BEAN1: variants seen among roughly 807,000 people sequenced by gnomAD.
The protein encoded by BEAN1 is brain expressed associated with NEDD4 1.
In BEAN1, 17 loss-of-function variants were observed where a neutral mutation model predicts 17.7. The observed-to-expected ratio is 0.96, with a 90% CI of 0.66 to 1.44. The LOEUF (loss-of-function observed/expected upper bound fraction) is 1.44, where lower values mean the gene tolerates loss of function less well. BEAN1 is among the 40% of genes most tolerant of loss of function. BEAN1 has a pLI of 0.00. For missense variants in BEAN1, 359 were observed against 374.1 expected (o/e 0.96, Z 0.33); for synonymous variants, 142 against 151.8 (o/e 0.94, Z 0.47).
intron 2 of BEAN1, among the ~76,000 whole-genome samples, chr16:66,457,570 A>C (rs1962920248): frequency 6.6e-6 from 1 of 152,146 alleles, no homozygotes; most frequent in East Asian, 1.9e-4. Context: ...AGCTGCCATC[A>C]AGGTGACATC....
chr16:66,469,536 G>C, intron 2 of BEAN1, 66 bp from the exon 3 acceptor site: 2 of 1,448,526 alleles, frequency 1.4e-6, no homozygotes, highest in South Asian at 1.3e-5. Context: ...AGGGCAGCAC[G>C]GGCAGAGAAG....
chr16:66,440,008 G>A (rs912212355), intron 2 of BEAN1, among the ~76,000 whole-genome samples: 10 of 152,070 alleles, frequency 6.6e-5, no homozygotes, highest in African/African-American at 1.9e-4. Context: ...ATCAGCTTCA[G>A]TCTGGGTCCA....
intron 3 of BEAN1, among the ~76,000 whole-genome samples, chr16:66,470,952 C>G (rs939737714): frequency 6.6e-6 from 1 of 152,312 alleles, no homozygotes; most frequent in East Asian, 1.9e-4. Flanking sequence ...AAAAGCAGGA[C>G]CTTGGAGGTG....
chr16:66,477,998 G>C, intron 4 of BEAN1: 1 of 281,690 alleles, frequency 3.5e-6, no homozygotes, highest in Non-Finnish European at 6.6e-6. Context: ...TTCAGGGGAG[G>C]TTCCGTGGCA....
intron 3 of BEAN1, chr16:66,470,069 G>C: frequency 1.4e-6 from 1 of 696,572 alleles, no homozygotes; most frequent in Non-Finnish European, 2.3e-6. Flanking sequence ...ACTGCTAAGA[G>C]AGAAACTCAG....
intron 2 of BEAN1, among the ~76,000 whole-genome samples, chr16:66,438,251 G>T (rs1466615071): frequency 6.6e-6 from 1 of 152,102 alleles, no homozygotes; most frequent in Non-Finnish European, 1.5e-5. Flanking sequence ...GGGCATGGTG[G>T]TGGGCGCCTG....
chr16:66,449,451 T>C (rs1188952180), intron 2 of BEAN1, among the ~76,000 whole-genome samples: 2 of 151,500 alleles, frequency 1.3e-5, no homozygotes, highest in Non-Finnish European at 2.9e-5. Flanking sequence ...CTACTAAATA[T>C]ACAAAATTAG....
At chr16:66,484,116 G>T, downstream of BEAN1, 1 of 177,742 alleles carries the variant, frequency 5.6e-6, no homozygotes, top group Admixed American at 5.5e-5. This position sits in a 1 kb window ranked among gnomAD's most constrained non-coding sequence, Gnocchi z 4.2. Context: ...GCTCACCCCC[G>T]CCCCGCCAGC....
chr16:66,489,164 C>T (rs1332911016), intron 4 of BEAN1, among the ~76,000 whole-genome samples: 4 of 146,762 alleles, frequency 2.7e-5, no homozygotes, highest in Non-Finnish European at 4.4e-5. Context: ...AAGAGCGAAA[C>T]TCCATCTCAA....
intron 1 of BEAN1, among the ~76,000 whole-genome samples, chr16:66,436,170 A>ATC (rs1962007003): frequency 1.3e-5 from 2 of 151,780 alleles, no homozygotes; most frequent in African/African-American, 4.8e-5. Flanking sequence ...TAAAAACCTT[A>ATC]TCTCTCTCCT....
chr16:66,467,555 C>T lies in BEAN1; in HGVS notation c.26-2047C>T, dbSNP rs917548456. On this transcript the variant is annotated intron_variant, in intron 2 of 4. Transcript: ENST00000536005. The stretch of plus-strand genomic sequence containing the variant: ...CCTCCACCTGGTCCTGCCCTTAACA[C>T]GTGGGGATTATAGGGATTACAATTA... Among the ~76,000 whole-genome samples, 4 of 152,268 alleles carry T rather than the reference C, an allele frequency of 2.6e-5. No homozygotes were observed. In the East Asian group the frequency reaches 5.8e-4, roughly 22 times the overall value.
rs774157802 is a variant in BEAN1, at chr16:66,477,563, C to A, written c.293C>A (p.Ser98Ter). The A allele has an allele frequency of 6.5e-7, 1 of 1,541,300 alleles. No homozygotes were observed. The highest frequency in any genetic ancestry group is 2.0e-5 in the Admixed American group (1 of 50,350). ...GCCGGTGGTCTGTTCCCTGCAGTGT[C>A]GGACGAGCACACATACAGCCGCTCA... ...RHREYEHGYV[S>*]DEHTYSRSSR... Residue 98 changes from serine (S) to a stop codon, truncating the protein, a stop_gained, in exon 4 of 5, where the codon TCG becomes TAG. Transcript: ENST00000536005. LOFTEE classifies it high-confidence loss of function.
chr16:66,468,159 G>A (rs750964009), intron 2 of BEAN1, among the ~76,000 whole-genome samples: 1 of 152,180 alleles, frequency 6.6e-6, no homozygotes, highest in Non-Finnish European at 1.5e-5. Flanking sequence ...CTGAGGCATC[G>A]CAAGGCCTCC....
At position 66,450,495 on chromosome 16, in the gene BEAN1, C is replaced by A. The variant is rs1263492042; in HGVS notation, c.25+12794C>A. On this transcript the variant is annotated intron_variant, in intron 2 of 4. Coordinates refer to ENST00000536005, the MANE Select transcript of BEAN1 (RefSeq NM_001178020.3). ...CTTTGGGAGGCCGAAACGGGAGGAT[C>A]GCTTGAGGCCAGGAGTTTGAGACCA... Among the ~76,000 whole-genome samples, 7 of 152,168 alleles carry A rather than the reference C, an allele frequency of 4.6e-5. No individual in the cohort carries two copies. In the East Asian group the frequency reaches 5.8e-4, roughly 13 times the overall value.
intron 2 of BEAN1, among the ~76,000 whole-genome samples, chr16:66,454,138 T>C (rs2142404197): frequency 6.6e-6 from 1 of 152,336 alleles, no homozygotes; most frequent in Admixed American, 6.5e-5. Flanking sequence ...TCTTTTTAAA[T>C]CTATTGAGAC....
chr16:66,479,196 C>G (rs768768388), intron 4 of BEAN1: 5 of 152,314 alleles, frequency 3.3e-5, no homozygotes, highest in Admixed American at 6.5e-5. Context: ...GCCCTTGGTT[C>G]CTGAGGCCAT....
At position 66,469,658 on chromosome 16, in the gene BEAN1, C is replaced by G; in HGVS notation, c.82C>G (p.His28Asp). ...CCCCACATTCTCAGAGAGCTCGGAG[C>G]ACAGCCATCTGCTCGTGTCCCCCGT... ...FYPTFSESSE[H>D]SHLLVSPVLV... Residue 28 changes from histidine (H) to aspartate (D), a missense_variant, in exon 3 of 5, where the codon CAC (histidine) becomes GAC (aspartate). Physicochemically the swap from His to Asp is moderately conservative, Grantham distance 81. Coordinates refer to ENST00000536005, the MANE Select transcript of BEAN1 (RefSeq NM_001178020.3). 4 of 1,535,970 alleles carry G rather than the reference C, an allele frequency of 2.6e-6. No homozygotes were observed. Among genetic ancestry groups the G allele is most frequent in the Non-Finnish European group, 3.5e-6 (4 of 1,146,752 alleles).
rs149875586 is a variant in BEAN1 at position 66,461,975 on chromosome 16, C to T, written c.26-7627C>T. ...TGAGTGGTAGCCAAAAGCTCCATTT[C>T]ATAACCAGCTCTAGCCAGTTGTAGT... On this transcript the variant is annotated intron_variant, in intron 2 of 4. Coordinates refer to ENST00000536005, the MANE Select transcript of BEAN1 (RefSeq NM_001178020.3). 3.4e-3 allele frequency among the ~76,000 whole-genome samples: 521 copies of T among 152,320 alleles called. 1 individual carries two copies. Among genetic ancestry groups the T allele is most frequent in the African/African-American group, 0.011 (460 of 41,584 alleles).
intron 1 of BEAN1, among the ~76,000 whole-genome samples, chr16:66,429,670 G>A (rs937473612): frequency 1.3e-5 from 2 of 152,058 alleles, no homozygotes; most frequent in African/African-American, 2.4e-5. Context: ...CCTCCTACAC[G>A]GAATCTCCCT....
Sources: allele counts gnomAD v4.1 joint callset (sites outside exome capture counted in the v4.1 genomes callset), GRCh38; gene constraint gnomAD v4.1.1; non-coding constraint Gnocchi (gnomAD v3.1); transcripts MANE v1.5; gene names NCBI Gene and HGNC (gene_info 2026-07-23, HGNC 2026-07-21).